The following OR10J1 variants were observed in gnomAD, a reference collection of about 807,000 sequenced individuals.
OR10J1 encodes olfactory receptor family 10 subfamily J member 1, also known as olfactory receptor 10J1.
For missense variants in OR10J1, 474 were observed against 376.6 expected, an observed-to-expected ratio of 1.26 and a Z score of -2.14; for synonymous variants, 202 against 143.8, an observed-to-expected ratio of 1.40 and a Z score of -2.89.
At chr1:159,412,478 C>A in the OR10J1 span, among the ~76,000 whole-genome samples, 1 of 147,818 alleles carries the variant, frequency 6.8e-6, no homozygotes, top group African/African-American at 2.6e-5. Flanking sequence ...GGTACTGGTA[C>A]CAAAACAGAG....
the OR10J1 span, among the ~76,000 whole-genome samples, chr1:159,426,694 G>C: frequency 6.6e-6 from 1 of 151,724 alleles, no homozygotes; most frequent in Non-Finnish European, 1.5e-5. Flanking sequence ...CCTTCATAAA[G>C]AGAATGTTCA....
chr1:159,438,765 T>A (rs762250149), upstream of OR10J1, among the ~76,000 whole-genome samples: 8 of 152,186 alleles, frequency 5.3e-5, no homozygotes, highest in Non-Finnish European at 1.0e-4. Context: ...AATCAGAATA[T>A]AATTTAAATA....
the OR10J1 span, among the ~76,000 whole-genome samples, chr1:159,412,976 C>G: frequency 6.6e-6 from 1 of 151,864 alleles, no homozygotes; most frequent in Non-Finnish European, 1.5e-5. Context: ...ACAATGAACT[C>G]AAACAAATTT....
chr1:159,425,245 T>C, the OR10J1 span, among the ~76,000 whole-genome samples: 2 of 152,074 alleles, frequency 1.3e-5, no homozygotes, highest in African/African-American at 2.4e-5. Context: ...AAATGAGGGA[T>C]CTAGGAAGCA....
chr1:159,432,914 G>T (rs986492960), upstream of OR10J1: 6 of 427,746 alleles, frequency 1.4e-5, no homozygotes, highest in Non-Finnish European at 2.5e-5. Flanking sequence ...CAGGAGAAAG[G>T]CCTTTGCTAC....
chr1:159,406,368 T>A, the OR10J1 span: 6 of 429,884 alleles, frequency 1.4e-5, no homozygotes, highest in Non-Finnish European at 2.8e-5. Context: ...ACCTTGGCAC[T>A]GAAGAATGTC....
chr1:159,416,229 C>T, the OR10J1 span, among the ~76,000 whole-genome samples: 5 of 151,846 alleles, frequency 3.3e-5, no homozygotes, highest in African/African-American at 7.2e-5. Context: ...CAAATAAGAA[C>T]GGTGAAAGGG....
chr1:159,435,950 A>C (rs1655724853), upstream of OR10J1, among the ~76,000 whole-genome samples: 2 of 152,190 alleles, frequency 1.3e-5, no homozygotes, highest in South Asian at 4.1e-4. Context: ...CTTTCTGTAC[A>C]TCCCTAATCT....
chr1:159,440,816 C>T lies in OR10J1; in HGVS notation c.*95C>T. 1 of 1,341,398 alleles carries T rather than the reference C, an allele frequency of 7.5e-7. No individual in the cohort carries two copies. Among genetic ancestry groups the T allele is most frequent in the Non-Finnish European group, 1.0e-6 (1 of 990,208 alleles). 83.1% of individuals were successfully genotyped at this position (1,341,398 alleles called of 1,614,324 possible). A position where few individuals can be genotyped will look rare whatever the true frequency, so the allele number is the denominator to read the frequency against. ...AAACACTTGGCTCCTAGAGACCTGC[C>T]CCTTAAATAAGAGGCAAAAGAGGAA... On this transcript the variant is annotated 3_prime_UTR_variant, in exon 1 of 1. Transcript: ENST00000423932.
At chr1:159,422,667 C>T in the OR10J1 span, among the ~76,000 whole-genome samples, 1 of 152,268 alleles carries the variant, frequency 6.6e-6, no homozygotes, top group African/African-American at 2.4e-5. Flanking sequence ...ATTGCAGCTG[C>T]ACAAGACTCT....
the OR10J1 span, among the ~76,000 whole-genome samples, chr1:159,413,355 C>T: frequency 2.0e-5 from 3 of 151,638 alleles, no homozygotes; most frequent in Non-Finnish European, 4.4e-5. Flanking sequence ...ACCCAAAGGA[C>T]TATAAATCAT....
chr1:159,439,946 A>T lies in OR10J1; in HGVS notation c.155A>T (p.Asp52Val), dbSNP rs200002931. ...NIIIVTIIRM[D>V]LHLHTPMYFF... Reference sequence around the variant, plus strand: ...ATCATTGTGACCATCATCCGAATGGATCTTCATCTTCACACACCCATGTAC... The same window carrying T: ...ATCATTGTGACCATCATCCGAATGGTTCTTCATCTTCACACACCCATGTAC... Residue 52 changes from aspartate (D) to valine (V), a missense_variant, in exon 1 of 1, where the codon GAT becomes GTT. Physicochemically the swap from Asp to Val is radical, Grantham distance 152. Transcript: ENST00000423932. 1.9e-6 allele frequency: 3 copies of T among 1,613,994 alleles called. No homozygotes were observed. Among genetic ancestry groups the T allele is most frequent in the Non-Finnish European group, 8.5e-7 (1 of 1,179,974 alleles).
At chr1:159,431,990 ATAC>A in the OR10J1 span, among the ~76,000 whole-genome samples, 3 of 152,202 alleles carry the variant, frequency 2.0e-5, no homozygotes, top group Admixed American at 6.5e-5. Context: ...CAACAGACAC[ATAC>A]TACATCTGTC....
At chr1:159,419,099 G>C in the OR10J1 span, among the ~76,000 whole-genome samples, 2 of 152,216 alleles carry the variant, frequency 1.3e-5, no homozygotes, top group Non-Finnish European at 2.9e-5. Context: ...AGGCAAAGGG[G>C]ACTTGGCTTG....
the OR10J1 span, among the ~76,000 whole-genome samples, chr1:159,431,179 C>T: frequency 2.2e-4 from 34 of 152,254 alleles, no homozygotes; most frequent in African/African-American, 6.3e-4. Context: ...GAAGTGGCTA[C>T]GCACCACAGA....
At chr1:159,405,687 A>G in the OR10J1 span, 1 of 579,956 alleles carries the variant, frequency 1.7e-6, no homozygotes, top group Non-Finnish European at 3.2e-6. Flanking sequence ...CCTCAGTTGA[A>G]GCAATCTTAA....
chr1:159,435,406 A>G (rs992460475), upstream of OR10J1, among the ~76,000 whole-genome samples: 1 of 152,220 alleles, frequency 6.6e-6, no homozygotes, highest in Non-Finnish European at 1.5e-5. Context: ...TTTTTAAAGT[A>G]CCATAATTCA....
chr1:159,405,692 T>A, the OR10J1 span: 14 of 603,048 alleles, frequency 2.3e-5, no homozygotes, highest in Admixed American at 3.0e-4. Flanking sequence ...GTTGAAGCAA[T>A]CTTAAGGATG....
At chr1:159,410,206 G>A in the OR10J1 span, among the ~76,000 whole-genome samples, 1 of 152,124 alleles carries the variant, frequency 6.6e-6, no homozygotes, top group African/African-American at 2.4e-5. Context: ...GATGATGCTG[G>A]CCTCATAAAA....
Sources: allele counts gnomAD v4.1 joint callset (sites outside exome capture counted in the v4.1 genomes callset), GRCh38; gene constraint gnomAD v4.1.1; transcripts MANE v1.5; gene names NCBI Gene and HGNC (gene_info 2026-07-23, HGNC 2026-07-21).